Variants in PLOD2 observed in about 807,000 individuals in gnomAD.
PLOD2 encodes procollagen-lysine,2-oxoglutarate 5-dioxygenase 2, also known as lysine hydroxylase 2.
Under a neutral mutation model 101.0 loss-of-function variants are expected in PLOD2, and 65 were observed. The ratio of observed to expected loss-of-function variants is 0.64; its 90% CI spans 0.53 to 0.79. PLOD2 has a LOEUF of 0.79. Ranked by LOEUF, PLOD2 falls within the 30% of genes least tolerant of loss-of-function variation. PLOD2 has a pLI of 0.00. For missense variants in PLOD2, 909 were observed against 914.6 expected, an observed-to-expected ratio of 0.99 and a Z score of 0.08; for synonymous variants, 314 against 302.9, an observed-to-expected ratio of 1.04 and a Z score of -0.38.
At chr3:146,072,360 C>T (rs1936174811) in intron 17 of PLOD2, among the ~76,000 whole-genome samples, 1 of 151,568 alleles carries the variant, frequency 6.6e-6, no homozygotes, top group Non-Finnish European at 1.5e-5. Context: ...GAGAAACCCG[C>T]CCAAACTAAT....
chr3:146,074,083 G>T (rs577057827), intron 15 of PLOD2, among the ~76,000 whole-genome samples: 1 of 151,470 alleles, frequency 6.6e-6, no homozygotes, highest in African/African-American at 2.4e-5. Context: ...CCATGAATTT[G>T]ATTCTTTTTG....
chr3:146,142,632 G>A (rs1205508927), intron 1 of PLOD2, among the ~76,000 whole-genome samples: 1 of 152,078 alleles, frequency 6.6e-6, no homozygotes, highest in East Asian at 1.9e-4. Context: ...TGGAGGCAGA[G>A]TAGGGTCTGT....
At chr3:146,079,033 G>T in intron 13 of PLOD2, 83 bp downstream of exon 13, 1 of 1,371,706 alleles carries the variant, frequency 7.3e-7, no homozygotes, top group Non-Finnish European at 1.0e-6. Flanking sequence ...AAGACAAAGG[G>T]CATCAAAACA....
At chr3:146,106,148 G>A (rs192746454) in intron 5 of PLOD2, among the ~76,000 whole-genome samples, 71 of 152,336 alleles carry the variant, frequency 4.7e-4, no homozygotes, top group African/African-American at 1.5e-3. Context: ...GCCTAAGTGA[G>A]TATGCAGTGG....
chr3:146,132,245 A>G (rs1381903975), intron 1 of PLOD2, among the ~76,000 whole-genome samples: 1 of 152,140 alleles, frequency 6.6e-6, no homozygotes, highest in Non-Finnish European at 1.5e-5. Flanking sequence ...CAGTTTTAAA[A>G]CTGGAAAAGT....
chr3:146,083,858 G>A (rs186141784), intron 11 of PLOD2, among the ~76,000 whole-genome samples: 8 of 152,098 alleles, frequency 5.3e-5, no homozygotes, highest in Admixed American at 5.2e-4. Context: ...TGGGATTACA[G>A]GCGTGAGCCA....
At chr3:146,142,962 T>C (rs1461519206) in intron 1 of PLOD2, among the ~76,000 whole-genome samples, 1 of 152,088 alleles carries the variant, frequency 6.6e-6, no homozygotes, top group Non-Finnish European at 1.5e-5. Flanking sequence ...CATGCTTTGG[T>C]TATAACACAA....
chr3:146,076,653 T>C, intron 15 of PLOD2, 129 bp downstream of exon 15: 1 of 599,996 alleles, frequency 1.7e-6, no homozygotes, highest in Non-Finnish European at 3.0e-6. Context: ...TATCTCATTG[T>C]GGTTTTGATG....
intron 7 of PLOD2, among the ~76,000 whole-genome samples, chr3:146,102,012 G>C (rs1477254109): frequency 1.3e-5 from 2 of 152,078 alleles, no homozygotes; most frequent in African/African-American, 4.8e-5. Flanking sequence ...CTGGAATTCA[G>C]ATCACTCACT....
chr3:146,113,599 C>T (rs1937749560), intron 3 of PLOD2, among the ~76,000 whole-genome samples: 1 of 152,164 alleles, frequency 6.6e-6, no homozygotes, highest in Non-Finnish European at 1.5e-5. Flanking sequence ...ATTTCATGGA[C>T]ATTTATCACT....
chr3:146,159,882 G>C (rs144126849), intron 1 of PLOD2, among the ~76,000 whole-genome samples: 1 of 152,138 alleles, frequency 6.6e-6, no homozygotes, highest in Non-Finnish European at 1.5e-5. Context: ...CAAAACTATC[G>C]CTACATGGAT....
At chr3:146,075,336 T>C (rs978404831) in intron 15 of PLOD2, among the ~76,000 whole-genome samples, 1 of 151,444 alleles carries the variant, frequency 6.6e-6, no homozygotes, top group African/African-American at 2.4e-5. Flanking sequence ...TTTAAAACTT[T>C]TACTATTGGC....
chr3:146,077,862 C>G lies in PLOD2; in HGVS notation c.1563G>C (p.Lys521Asn), dbSNP rs749329095. ...TAAATAAAATAAGTAAAAATAACAC[C>G]TTTGGGGGGCTGAGCATTTGGAATG... Reference protein sequence around the residue: ...PETFQMLSPPKGVFMYISNRH... With the variant: ...PETFQMLSPPNGVFMYISNRH... The change falls in exon 14 of 20, where the codon AAG (lysine) becomes AAC (asparagine). Residue 521 changes from lysine (K) to asparagine (N), a missense_variant and splice_region_variant. By Grantham distance (94) the Lys-to-Asn change is moderately conservative. Coordinates refer to ENST00000282903, the MANE Select transcript of PLOD2 (RefSeq NM_182943.3). 1.3e-6 allele frequency: 2 copies of G among 1,567,174 alleles called. No individual in the cohort carries two copies. The highest frequency in any genetic ancestry group is 1.8e-6 in the Non-Finnish European group (2 of 1,140,656).
rs1446459256 is a variant in PLOD2, at chr3:146,160,975, C to T, written c.15G>A (p.Thr5=). Reference sequence around the variant, plus strand: ...CCAGGAGCAGCAGCTGAGGCTTCACCGTGCATCCCCCCATATTCGGCCCTC... The same window carrying T: ...CCAGGAGCAGCAGCTGAGGCTTCACTGTGCATCCCCCCATATTCGGCCCTC... MGGC[T]VKPQLLLLAL... Residue 5 remains threonine, a synonymous_variant, in exon 1 of 20, where the codon ACG becomes ACA. Coordinates refer to ENST00000282903, the MANE Select transcript of PLOD2 (RefSeq NM_182943.3). 2.5e-6 allele frequency: 4 copies of T among 1,587,004 alleles called. No homozygotes were observed. Among genetic ancestry groups the T allele is most frequent in the Non-Finnish European group, 3.4e-6 (4 of 1,166,594 alleles).
At chr3:146,155,435 A>AGGCGC (rs955233713) in intron 1 of PLOD2, among the ~76,000 whole-genome samples, 5 of 152,006 alleles carry the variant, frequency 3.3e-5, no homozygotes, top group African/African-American at 1.2e-4. Context: ...TTCATTGGCC[A>AGGCGC]GGCGCGGTGG....
intron 1 of PLOD2, among the ~76,000 whole-genome samples, chr3:146,131,935 A>G (rs978265178): frequency 3.9e-5 from 6 of 152,194 alleles, no homozygotes; most frequent in Non-Finnish European, 8.8e-5. Context: ...CAACAAGAAA[A>G]AAAAAACCTA....
intron 1 of PLOD2, among the ~76,000 whole-genome samples, chr3:146,125,536 C>T (rs886208879): frequency 6.6e-6 from 1 of 152,010 alleles, no homozygotes; most frequent in Non-Finnish European, 1.5e-5. Flanking sequence ...CACTTGAGAG[C>T]AGCAGTTTGA....
At chr3:146,156,032 T>C (rs952708167) in intron 1 of PLOD2, among the ~76,000 whole-genome samples, 4 of 152,214 alleles carry the variant, frequency 2.6e-5, no homozygotes, top group African/African-American at 9.6e-5. Flanking sequence ...CAACTAGCCA[T>C]CAGTGTTTTT....
chr3:146,077,822 T>C, intron 14 of PLOD2, 40 bp downstream of exon 14: 1 of 1,234,922 alleles, frequency 8.1e-7, no homozygotes, highest in South Asian at 1.3e-5. Context: ...ATATCAAATA[T>C]TAAATAAACA....
Sources: allele counts gnomAD v4.1 joint callset (sites outside exome capture counted in the v4.1 genomes callset), GRCh38; gene constraint gnomAD v4.1.1; transcripts MANE v1.5; gene names NCBI Gene and HGNC (gene_info 2026-07-23, HGNC 2026-07-21).